The following EDIL3 variants were observed in gnomAD, a reference collection of about 807,000 sequenced individuals.
EDIL3 encodes the protein EGF like and discoidin domains 3.
A neutral mutation model predicts 67.4 loss-of-function variants in EDIL3; 37 were observed. The observed-to-expected ratio is 0.55, with a 90% CI of 0.42 to 0.72. The LOEUF is 0.72. Ranked by LOEUF, EDIL3 falls within the 30% of genes least tolerant of loss-of-function variation. The pLI, the probability that EDIL3 is intolerant of heterozygous loss-of-function variation, is 0.00. For synonymous variants in EDIL3, 195 were observed against 196.3 expected, an observed-to-expected ratio of 0.99 and a Z score of 0.05; for missense variants, 527 against 586.3, an observed-to-expected ratio of 0.90 and a Z score of 1.04.
intron 6 of EDIL3, among the ~76,000 whole-genome samples, chr5:84,099,023 C>A (rs949212836): frequency 6.6e-6 from 1 of 151,932 alleles, no homozygotes; most frequent in Non-Finnish European, 1.5e-5. Flanking sequence ...ATAGGAAATA[C>A]CTAGGGATAT....
rs117208946 is a variant in EDIL3, at chr5:84,046,351, A to T, written c.1137+13949T>A. Among the ~76,000 whole-genome samples, 116 of 152,286 alleles carry T rather than the reference A, an allele frequency of 7.6e-4. No individual in the cohort carries two copies. In the East Asian group the frequency reaches 0.015, roughly 20 times the overall value. Reference sequence around the variant, plus strand: ...TATGCTGGTCAGGACTGGGCATTGGAGAGGCTTCCTAATCCAACAGATATC... The same window carrying T: ...TATGCTGGTCAGGACTGGGCATTGGTGAGGCTTCCTAATCCAACAGATATC... On this transcript the variant is annotated intron_variant, in intron 9 of 10. Coordinates refer to ENST00000296591, the MANE Select transcript of EDIL3 (RefSeq NM_005711.5).
intron 1 of EDIL3, among the ~76,000 whole-genome samples, chr5:84,280,066 C>T (rs939341041): frequency 6.6e-6 from 1 of 152,210 alleles, no homozygotes; most frequent in African/African-American, 2.4e-5. Flanking sequence ...TGACTTGTAT[C>T]ACCAAAGGGC....
intron 6 of EDIL3, among the ~76,000 whole-genome samples, chr5:84,093,027 A>C (rs1037505021): frequency 6.6e-6 from 1 of 152,204 alleles, no homozygotes; most frequent in Non-Finnish European, 1.5e-5. Context: ...CACTCCCCGT[A>C]TAAATATAAA....
At chr5:84,054,302 T>C (rs1002897081) in intron 9 of EDIL3, among the ~76,000 whole-genome samples, 9 of 152,100 alleles carry the variant, frequency 5.9e-5, no homozygotes, top group African/African-American at 1.7e-4. Flanking sequence ...ATTGATGGGA[T>C]GTATCTAAAA....
At chr5:84,033,655 G>A (rs1307941880) in intron 9 of EDIL3, among the ~76,000 whole-genome samples, 7 of 135,934 alleles carry the variant, frequency 5.1e-5, no homozygotes, top group African/African-American at 2.0e-4. Context: ...AGTGAGCCAA[G>A]ATCCTGCCAT....
chr5:84,051,307 A>T (rs1442763718), intron 9 of EDIL3, among the ~76,000 whole-genome samples: 1 of 152,074 alleles, frequency 6.6e-6, no homozygotes, highest in African/African-American at 2.4e-5. Context: ...CCAAAACCCC[A>T]TATGTCACCA....
intron 6 of EDIL3, among the ~76,000 whole-genome samples, chr5:84,076,907 G>T (rs1248088928): frequency 1.3e-5 from 2 of 152,126 alleles, no homozygotes; most frequent in Non-Finnish European, 2.9e-5. Flanking sequence ...ACACAATCTT[G>T]CAAAGGCTTT....
chr5:84,171,549 G>T (rs1748812038), intron 4 of EDIL3, among the ~76,000 whole-genome samples: 1 of 152,120 alleles, frequency 6.6e-6, no homozygotes, highest in African/African-American at 2.4e-5. Flanking sequence ...ATATTTTTCT[G>T]CCCTGATTCT....
At chr5:84,190,538 T>C (rs1326383928) in intron 3 of EDIL3, among the ~76,000 whole-genome samples, 5 of 102,792 alleles carry the variant, frequency 4.9e-5, no homozygotes, top group Admixed American at 1.0e-4. Context: ...TATTTCTACA[T>C]ATATATATAT....
At chr5:84,116,601 G>T (rs1191766528) in intron 5 of EDIL3, among the ~76,000 whole-genome samples, 2 of 152,010 alleles carry the variant, frequency 1.3e-5, no homozygotes, top group South Asian at 4.2e-4. Context: ...TGAAATAGAG[G>T]ATGAATTCTT....
chr5:84,264,728 G>T (rs560611024), intron 1 of EDIL3, among the ~76,000 whole-genome samples: 9 of 152,224 alleles, frequency 5.9e-5, no homozygotes, highest in Admixed American at 3.9e-4. Flanking sequence ...GACAGCAGAG[G>T]ACAAACTAAA....
intron 9 of EDIL3, among the ~76,000 whole-genome samples, chr5:84,031,378 A>T (rs1745920549): frequency 6.6e-6 from 1 of 152,212 alleles, no homozygotes; most frequent in Non-Finnish European, 1.5e-5. Context: ...ATTCAAAAAG[A>T]TGGATAATAA....
At chr5:84,380,476 A>G (rs1748053096) in intron 1 of EDIL3, among the ~76,000 whole-genome samples, 1 of 152,148 alleles carries the variant, frequency 6.6e-6, no homozygotes, top group Admixed American at 6.5e-5. Context: ...GTTATGATTT[A>G]CTTCTGACTT....
intron 6 of EDIL3, among the ~76,000 whole-genome samples, chr5:84,084,273 T>G (rs1419563343): frequency 6.6e-6 from 1 of 152,198 alleles, no homozygotes; most frequent in Non-Finnish European, 1.5e-5. Flanking sequence ...TTATTTCTAC[T>G]TCCTCTAAAT....
intron 1 of EDIL3, among the ~76,000 whole-genome samples, chr5:84,312,137 C>T (rs972883982): frequency 5.3e-5 from 8 of 151,928 alleles, no homozygotes; most frequent in African/African-American, 1.4e-4. Context: ...TAGGGGCGGC[C>T]GGGCAGAGGC....
At chr5:84,232,372 A>G (rs1744598610) in intron 2 of EDIL3, among the ~76,000 whole-genome samples, 4 of 146,094 alleles carry the variant, frequency 2.7e-5, no homozygotes, top group South Asian at 2.3e-4. Flanking sequence ...CTGACTGGTT[A>G]AACAAAGCAC....
intron 6 of EDIL3, among the ~76,000 whole-genome samples, chr5:84,083,222 T>C (rs1428268676): frequency 6.6e-6 from 1 of 152,198 alleles, no homozygotes; most frequent in Admixed American, 6.6e-5. Flanking sequence ...TTGAAGTCAG[T>C]GTTTTGCACA....
rs533689435 is a variant in EDIL3, at chr5:84,294,657, C to T, written c.68-40445G>A. Among the ~76,000 whole-genome samples the T allele has an allele frequency of 1.2e-4, 19 of 152,096 alleles. No homozygotes were observed. In the South Asian group the frequency reaches 3.5e-3, roughly 28 times the overall value. On this transcript the variant is annotated intron_variant, in intron 1 of 10. Coordinates refer to ENST00000296591, the MANE Select transcript of EDIL3 (RefSeq NM_005711.5). ...TAATAATTATAAACCAAAATTGATT[C>T]ATATTGTTGGAAAACATTATAAAGA...
intron 10 of EDIL3, among the ~76,000 whole-genome samples, chr5:83,960,044 C>G (rs1008636120): frequency 6.6e-6 from 1 of 150,852 alleles, no homozygotes; most frequent in Non-Finnish European, 1.5e-5. Context: ...ATACTAATTA[C>G]TGAATTTTTA....
Sources: gnomAD v4.1 joint callset for allele counts (sites outside exome capture counted in the v4.1 genomes callset) on GRCh38, gnomAD v4.1.1 for gene constraint, MANE v1.5 for transcripts, NCBI Gene and HGNC (gene_info 2026-07-23, HGNC 2026-07-21) for gene names.